Variants in CNTNAP2 observed in about 807,000 individuals in gnomAD.
CNTNAP2 encodes the protein contactin associated protein 2, also known as contactin-associated protein-like 2.
Under a neutral mutation model 155.2 loss-of-function variants are expected in CNTNAP2, and 98 were observed. That is an observed-to-expected ratio of 0.63 (90% CI 0.54 to 0.75). CNTNAP2 has a LOEUF of 0.75. Ranked by LOEUF, CNTNAP2 falls within the 30% of genes least tolerant of loss-of-function variation. The pLI is 0.00. For synonymous variants in CNTNAP2, 651 were observed against 631.2 expected (o/e 1.03, Z -0.47); for missense variants, 1,727 against 1,688.1 (o/e 1.02, Z -0.40).
intron 13 of CNTNAP2, among the ~76,000 whole-genome samples, chr7:147,704,935 C>T (rs944609660): frequency 6.6e-6 from 1 of 151,970 alleles, no homozygotes; most frequent in African/African-American, 2.4e-5. Flanking sequence ...TTCTATTTCT[C>T]ATTTTTTTAT....
chr7:147,343,381 C>T (rs1795796257), intron 9 of CNTNAP2, among the ~76,000 whole-genome samples: 1 of 151,970 alleles, frequency 6.6e-6, no homozygotes, highest in African/African-American at 2.4e-5. Flanking sequence ...GGCCATTTCC[C>T]CCTCGTAAAG....
chr7:146,124,185 C>T (rs1443353666), intron 1 of CNTNAP2, among the ~76,000 whole-genome samples: 1 of 151,954 alleles, frequency 6.6e-6, no homozygotes. Flanking sequence ...CACCATGGCA[C>T]ATGTATACCT....
chr7:146,667,818 G>A (rs1458301233), intron 1 of CNTNAP2, among the ~76,000 whole-genome samples: 5 of 151,390 alleles, frequency 3.3e-5, no homozygotes, highest in Non-Finnish European at 7.4e-5. Context: ...TTCGTGTGTC[G>A]ATTTTTTATT....
intron 8 of CNTNAP2, among the ~76,000 whole-genome samples, chr7:147,198,983 A>G (rs1802866118): frequency 7.8e-6 from 1 of 127,690 alleles, no homozygotes; most frequent in South Asian, 2.4e-4. Context: ...TTTTTTTGAG[A>G]CAGAATGATG....
At chr7:146,918,199 A>G (rs1206401593) in intron 3 of CNTNAP2, among the ~76,000 whole-genome samples, 2 of 152,186 alleles carry the variant, frequency 1.3e-5, no homozygotes, top group Non-Finnish European at 2.9e-5. Context: ...TTGAGAGGTG[A>G]GGTATTGTTT....
intron 13 of CNTNAP2, among the ~76,000 whole-genome samples, chr7:147,877,923 A>G (rs2116710928): frequency 6.6e-6 from 1 of 152,326 alleles, no homozygotes; most frequent in South Asian, 2.1e-4. Flanking sequence ...ACCATTTAAT[A>G]CCCTACATTG....
rs1214440617 is a variant in CNTNAP2, at chr7:148,143,940, T to C, written c.2555-3551T>C. On this transcript the variant is annotated intron_variant, in intron 16 of 23. Transcript: ENST00000361727. ...CAAAGTGGGTAGCTGGCAAGGAGCCTGGAATTGCCATCTTTGCCTTCATTA... is the reference window on the plus strand; with the variant it reads ...CAAAGTGGGTAGCTGGCAAGGAGCCCGGAATTGCCATCTTTGCCTTCATTA... 4.6e-5 allele frequency among the ~76,000 whole-genome samples: 7 copies of C among 152,348 alleles called. No homozygotes were observed. The East Asian group carries it at 1.2e-3, about 25-fold the overall frequency.
intron 13 of CNTNAP2, among the ~76,000 whole-genome samples, chr7:147,887,593 T>C (rs2116726108): frequency 6.6e-6 from 1 of 152,316 alleles, no homozygotes. Flanking sequence ...AGGTTATAAA[T>C]GAATGCCAAA....
At chr7:148,118,391 T>G in intron 16 of CNTNAP2, 103 bp downstream of exon 16, 1 of 1,285,030 alleles carries the variant, frequency 7.8e-7, no homozygotes, top group Non-Finnish European at 1.1e-6. Context: ...CGTGGAAGGT[T>G]TCCTTTGTTC....
At chr7:148,275,128 G>C (rs972144552) in intron 21 of CNTNAP2, among the ~76,000 whole-genome samples, 3 of 152,162 alleles carry the variant, frequency 2.0e-5, no homozygotes, top group South Asian at 2.1e-4. Context: ...TTCAAATCCA[G>C]TTCTCAGAGG....
intron 3 of CNTNAP2, among the ~76,000 whole-genome samples, chr7:147,008,116 A>G (rs902642404): frequency 5.3e-5 from 8 of 152,104 alleles, no homozygotes; most frequent in Non-Finnish European, 1.0e-4. Context: ...AACCCCTAAC[A>G]TTCTATTCAT....
At chr7:147,268,496 C>T (rs1414480146) in intron 8 of CNTNAP2, among the ~76,000 whole-genome samples, 1 of 152,086 alleles carries the variant, frequency 6.6e-6, no homozygotes, top group African/African-American at 2.4e-5. Flanking sequence ...GAACATCATA[C>T]ACCGGGGCCT....
At chr7:146,317,589 C>T (rs768987517) in intron 1 of CNTNAP2, among the ~76,000 whole-genome samples, 27 of 152,170 alleles carry the variant, frequency 1.8e-4, no homozygotes, top group Non-Finnish European at 3.5e-4. Context: ...CCATGGTTAG[C>T]CATCCTGTTT....
At chr7:146,807,231 A>T (rs1183400393) in intron 2 of CNTNAP2, among the ~76,000 whole-genome samples, 1 of 152,224 alleles carries the variant, frequency 6.6e-6, no homozygotes, top group African/African-American at 2.4e-5. Context: ...TGTACATCAA[A>T]TTAGAATCTT....
At chr7:147,888,786 G>A (rs1799639764) in intron 13 of CNTNAP2, among the ~76,000 whole-genome samples, 1 of 143,172 alleles carries the variant, frequency 7.0e-6, no homozygotes, top group Non-Finnish European at 1.5e-5. Flanking sequence ...CATATATAAA[G>A]TCTAAATAAA....
chr7:146,767,830 T>C (rs1330244835), intron 1 of CNTNAP2, among the ~76,000 whole-genome samples: 1 of 152,040 alleles, frequency 6.6e-6, no homozygotes, highest in Non-Finnish European at 1.5e-5. Context: ...TTTGAAATAA[T>C]GGAAAAACTA....
At chr7:147,172,418 A>G (rs1802248078) in intron 8 of CNTNAP2, among the ~76,000 whole-genome samples, 1 of 152,172 alleles carries the variant, frequency 6.6e-6, no homozygotes, top group Non-Finnish European at 1.5e-5. Context: ...TTTCATTTCA[A>G]ATATTGATTA....
At chr7:148,183,535 G>T (rs1036562705) in intron 18 of CNTNAP2, among the ~76,000 whole-genome samples, 8 of 135,632 alleles carry the variant, frequency 5.9e-5, no homozygotes, top group Admixed American at 1.6e-4. Flanking sequence ...TAGCTGGAGC[G>T]CAGTGGTGCA....
intron 11 of CNTNAP2, among the ~76,000 whole-genome samples, chr7:147,532,309 C>A (rs1040185403): frequency 2.6e-5 from 4 of 152,208 alleles, no homozygotes; most frequent in African/African-American, 9.6e-5. Flanking sequence ...GGGCAAAATG[C>A]CACCAGTCTC....
Sources: gnomAD v4.1 joint callset for allele counts (sites outside exome capture counted in the v4.1 genomes callset) on GRCh38, gnomAD v4.1.1 for gene constraint, MANE v1.5 for transcripts, NCBI Gene and HGNC (gene_info 2026-07-23, HGNC 2026-07-21) for gene names.